The following KLHL14 variants were observed in gnomAD, a reference collection of about 807,000 sequenced individuals.
KLHL14 encodes kelch like family member 14.
Under a neutral mutation model 64.3 loss-of-function variants are expected in KLHL14, and 22 were observed. That is an observed-to-expected ratio of 0.34 (90% CI 0.24 to 0.49). KLHL14 has a LOEUF of 0.49. Ranked by LOEUF, KLHL14 falls within the 20% of genes least tolerant of loss-of-function variation. The probability of loss-of-function intolerance (pLI) is 0.99; values close to 1 mark genes in which losing one functional copy is unlikely to be tolerated. For missense variants in KLHL14, 661 were observed against 789.0 expected, an observed-to-expected ratio of 0.84 and a Z score of 1.94; for synonymous variants, 322 against 333.4, an observed-to-expected ratio of 0.97 and a Z score of 0.37.
rs143928546 is a variant in KLHL14 at position 32,723,683 on chromosome 18, A to G, written c.1069+18245T>C. The stretch of plus-strand genomic sequence containing the variant: ...CCCCATTGTGTTGATGAGAAAACCA[A>G]GGTCAAGGATGTGTCCAAGCTACTT... On this transcript the variant is annotated intron_variant, in intron 3 of 8. Coordinates refer to ENST00000359358, the MANE Select transcript of KLHL14 (RefSeq NM_020805.3). Among the ~76,000 whole-genome samples, 10 of 152,294 alleles carry G rather than the reference A, an allele frequency of 6.6e-5. No individual in the cohort carries two copies. The East Asian group carries it at 1.9e-3, about 29-fold the overall frequency.
At chr18:32,762,523 C>T (rs530741110) in intron 2 of KLHL14, among the ~76,000 whole-genome samples, 13 of 152,040 alleles carry the variant, frequency 8.6e-5, no homozygotes, top group Admixed American at 5.9e-4. Flanking sequence ...TTACGGTAGG[C>T]ATTCCATAAT....
chr18:32,738,144 T>C (rs932538355), intron 3 of KLHL14: 4 of 152,150 alleles, frequency 2.6e-5, no homozygotes, highest in African/African-American at 4.8e-5. Flanking sequence ...AAAAATGGAA[T>C]GGAGAGCTCT....
chr18:32,692,562 T>C (rs1568066120), intron 4 of KLHL14, among the ~76,000 whole-genome samples: 9 of 152,226 alleles, frequency 5.9e-5, no homozygotes. Flanking sequence ...TCACAGTTTT[T>C]AAAATGAGGA....
chr18:32,724,171 C>T (rs1352220270), intron 3 of KLHL14, among the ~76,000 whole-genome samples: 1 of 152,150 alleles, frequency 6.6e-6, no homozygotes, highest in African/African-American at 2.4e-5. Context: ...GTTTAAGTCA[C>T]AAATTCATCA....
intron 3 of KLHL14, among the ~76,000 whole-genome samples, chr18:32,733,424 A>G (rs1598568683): frequency 6.6e-6 from 1 of 150,876 alleles, no homozygotes. Flanking sequence ...AGGACACAAG[A>G]AGACAAAGGA....
chr18:32,749,373 GTTTAACTCC>G (rs1389098361), intron 2 of KLHL14, among the ~76,000 whole-genome samples: 1 of 152,156 alleles, frequency 6.6e-6, no homozygotes, highest in Admixed American at 6.5e-5. Flanking sequence ...CTTTTCTTAT[GTTTAACTCC>G]TTGGGCTGAC....
chr18:32,700,768 T>C (rs1184754558), intron 3 of KLHL14, among the ~76,000 whole-genome samples: 1 of 152,034 alleles, frequency 6.6e-6, no homozygotes, highest in Admixed American at 6.6e-5. Flanking sequence ...TTTCAAATGA[T>C]AAGTGCAAGA....
chr18:32,690,263 G>A (rs1455344371), intron 4 of KLHL14, among the ~76,000 whole-genome samples: 4 of 152,126 alleles, frequency 2.6e-5, no homozygotes, highest in Admixed American at 1.3e-4. Context: ...GGCAGCAAAC[G>A]GTATCATCTG....
At chr18:32,710,275 G>A (rs557406372) in intron 3 of KLHL14, among the ~76,000 whole-genome samples, 1 of 152,236 alleles carries the variant, frequency 6.6e-6, no homozygotes, top group Non-Finnish European at 1.5e-5. Context: ...AGATGCTAAT[G>A]ACTTAACAAA....
intron 5 of KLHL14, among the ~76,000 whole-genome samples, chr18:32,684,056 G>C (rs2049857800): frequency 6.6e-6 from 1 of 151,716 alleles, no homozygotes; most frequent in African/African-American, 2.4e-5. Context: ...GATTAGCTAG[G>C]GAGTAAGATC....
intron 3 of KLHL14, among the ~76,000 whole-genome samples, chr18:32,703,887 C>A (rs546223730): frequency 2.6e-5 from 4 of 152,172 alleles, no homozygotes; most frequent in Admixed American, 2.6e-4. Flanking sequence ...GCTGCCATCT[C>A]TTTCAAAGGT....
Position 32,680,518 on chromosome 18 carries a change from G to A in KLHL14, c.1320C>T (p.Ser440=), listed in dbSNP as rs778865950. The change falls in exon 6 of 9, where the codon AGC becomes AGT. Residue 440 remains serine, a synonymous_variant. Coordinates refer to ENST00000359358, the MANE Select transcript of KLHL14 (RefSeq NM_020805.3). The surrounding 1 kb of genome is among the most constrained non-coding windows in gnomAD (Gnocchi z 4.8). ...TCGTTTCTAGGTTATAGCACTCCACGCTGGACAAGTAGCCAGTTTCATTCC... is the reference window on the plus strand; with the variant it reads ...TCGTTTCTAGGTTATAGCACTCCACACTGGACAAGTAGCCAGTTTCATTCC... ...GGRNETGYLS[S]VECYNLETNE... 1.9e-6 allele frequency: 3 copies of A among 1,613,826 alleles called. No homozygotes were observed. Among genetic ancestry groups the A allele is most frequent in the Non-Finnish European group, 1.7e-6 (2 of 1,179,884 alleles).
intron 2 of KLHL14, among the ~76,000 whole-genome samples, chr18:32,762,735 G>T (rs1316359867): frequency 1.3e-5 from 2 of 151,998 alleles, no homozygotes; most frequent in African/African-American, 4.8e-5. Flanking sequence ...TTAATTTAAA[G>T]AAATCATCAT....
intron 3 of KLHL14, among the ~76,000 whole-genome samples, chr18:32,729,815 A>G (rs1162618549): frequency 6.6e-6 from 1 of 152,242 alleles, no homozygotes; most frequent in African/African-American, 2.4e-5. Flanking sequence ...TAGGACTTAT[A>G]TCTTTTCATG....
Position 32,677,404 on chromosome 18 carries a change from T to A in KLHL14, c.1589-74A>T, listed in dbSNP as rs201004626. ...CCCAATTTAAGGCTAGGGCTTCTTT[T>A]AAAAACAAGTCTCAAGCCAAAATAG... On this transcript the variant is annotated intron_variant, in intron 7 of 8. Coordinates refer to ENST00000359358, the MANE Select transcript of KLHL14 (RefSeq NM_020805.3). 18 of 1,340,804 alleles carry A rather than the reference T, an allele frequency of 1.3e-5. 1 individual carries two copies. The South Asian group carries it at 2.7e-4, about 20-fold the overall frequency. The allele number at this position is 1,340,804 out of a possible 1,614,324, so 83.1% of individuals were successfully genotyped here.
chr18:32,746,617 T>C (rs189471271), intron 2 of KLHL14, among the ~76,000 whole-genome samples: 49 of 152,336 alleles, frequency 3.2e-4, no homozygotes, highest in African/African-American at 1.1e-3. Context: ...ATGAACTAGA[T>C]TGCAAAAAAA....
intron 3 of KLHL14, among the ~76,000 whole-genome samples, chr18:32,717,446 CT>C (rs2050052154): frequency 1.3e-5 from 2 of 152,162 alleles, no homozygotes; most frequent in South Asian, 4.1e-4. Flanking sequence ...AGACTCCCAG[CT>C]GCTCTTTCTT....
At position 32,680,122 on chromosome 18, in the gene KLHL14, G is replaced by A. The variant is rs779919357; in HGVS notation, c.1588+47C>T. On this transcript the variant is annotated intron_variant, in intron 7 of 8. Transcript: ENST00000359358. This position sits in a 1 kb window ranked among gnomAD's most constrained non-coding sequence, Gnocchi z 4.8. ...GAAACCCCCTTAGCGAGAAATATGAGGTGCAAATGTTATTGTGACTAAAAA... is the reference window on the plus strand; with the variant it reads ...GAAACCCCCTTAGCGAGAAATATGAAGTGCAAATGTTATTGTGACTAAAAA... The A allele has an allele frequency of 1.9e-6, 3 of 1,577,458 alleles. No individual in the cohort carries two copies. The highest frequency in any genetic ancestry group is 1.4e-5 in the African/African-American group (1 of 73,858).
intron 3 of KLHL14, chr18:32,734,127 C>G (rs1300506259): frequency 1.4e-6 from 1 of 702,414 alleles, no homozygotes; most frequent in African/African-American, 1.7e-5. Flanking sequence ...TATTTGATGT[C>G]TAGTAGTATA....
Sources: allele counts gnomAD v4.1 joint callset (sites outside exome capture counted in the v4.1 genomes callset), GRCh38; gene constraint gnomAD v4.1.1; non-coding constraint Gnocchi (gnomAD v3.1); transcripts MANE v1.5; gene names NCBI Gene and HGNC (gene_info 2026-07-23, HGNC 2026-07-21).